The following EXOC4 variants were observed in gnomAD, a reference collection of about 807,000 sequenced individuals.
The protein encoded by EXOC4 is SEC8-like 1.
In EXOC4, 71 loss-of-function variants were observed where a neutral mutation model predicts 107.2. The observed-to-expected ratio is 0.66, with a 90% CI of 0.55 to 0.81. The LOEUF is 0.81. Ranked by LOEUF, EXOC4 falls within the 30% of genes least tolerant of loss-of-function variation. EXOC4 has a pLI of 0.00. For synonymous variants in EXOC4, 456 were observed against 441.2 expected (o/e 1.03, Z -0.42); for missense variants, 1,108 against 1,189.6 (o/e 0.93, Z 1.01).
chr7:133,981,183 T>C (rs920635859), intron 14 of EXOC4, among the ~76,000 whole-genome samples: 2 of 152,186 alleles, frequency 1.3e-5, no homozygotes, highest in African/African-American at 4.8e-5. Flanking sequence ...ATGGTGATGA[T>C]CTATGTACTT....
At chr7:133,937,866 A>G in intron 13 of EXOC4, 25 bp from the exon 14 acceptor site, 10 of 1,613,268 alleles carry the variant, frequency 6.2e-6, no homozygotes, top group Non-Finnish European at 8.5e-6. Flanking sequence ...GTATATATGA[A>G]GTGTGTTTCT....
intron 14 of EXOC4, among the ~76,000 whole-genome samples, chr7:133,969,919 T>C (rs1801162664): frequency 1.3e-5 from 2 of 152,194 alleles, no homozygotes; most frequent in South Asian, 4.1e-4. Flanking sequence ...AACATTTAAG[T>C]CTGCTGAACT....
At chr7:133,409,364 CTACATGCTATAAG>C (rs2150743241) in intron 7 of EXOC4, among the ~76,000 whole-genome samples, 1 of 152,286 alleles carries the variant, frequency 6.6e-6, no homozygotes, top group East Asian at 1.9e-4. Flanking sequence ...AATGTCTGTG[CTACATGCTATAAG>C]CACAGTGATT....
At chr7:133,752,546 C>T (rs1795816317) in intron 10 of EXOC4, among the ~76,000 whole-genome samples, 1 of 152,066 alleles carries the variant, frequency 6.6e-6, no homozygotes. Flanking sequence ...GTGCCAACAC[C>T]AGAATGTCAG....
At chr7:133,813,879 G>T (rs571326602) in intron 10 of EXOC4, among the ~76,000 whole-genome samples, 1 of 152,064 alleles carries the variant, frequency 6.6e-6, no homozygotes, top group African/African-American at 2.4e-5. Context: ...GGGGTTAATA[G>T]AGCGTTTAAC....
chr7:133,885,455 A>G (rs1007290549), intron 11 of EXOC4, among the ~76,000 whole-genome samples: 1 of 152,196 alleles, frequency 6.6e-6, no homozygotes, highest in African/African-American at 2.4e-5. Context: ...TGTGCATTAA[A>G]TTAACAAATA....
intron 7 of EXOC4, among the ~76,000 whole-genome samples, chr7:133,380,562 A>G: frequency 6.6e-6 from 1 of 151,934 alleles, no homozygotes; most frequent in East Asian, 1.9e-4. Flanking sequence ...GTACTGATCT[A>G]CTTTTTGGAA....
rs1584985777 is a variant in EXOC4 at position 133,539,739 on chromosome 7, A to G, written c.1417+59601A>G. Among the ~76,000 whole-genome samples the G allele has an allele frequency of 2.0e-5, 3 of 152,162 alleles. No individual in the cohort carries two copies. The South Asian group carries it at 6.2e-4, about 32-fold the overall frequency. Reference sequence around the variant, plus strand: ...GGAAAGGAAATTATAATATGGTTTTATAAAAATGAAACCTGTTTGAAGATC... The same window carrying G: ...GGAAAGGAAATTATAATATGGTTTTGTAAAAATGAAACCTGTTTGAAGATC... On this transcript the variant is annotated intron_variant, in intron 9 of 17. Coordinates refer to ENST00000253861, the MANE Select transcript of EXOC4 (RefSeq NM_021807.4).
At chr7:134,050,986 A>G (rs936133513) in intron 17 of EXOC4, among the ~76,000 whole-genome samples, 3 of 152,144 alleles carry the variant, frequency 2.0e-5, no homozygotes, top group Non-Finnish European at 4.4e-5. Flanking sequence ...GAAAGAAGAA[A>G]TGAATATGAA....
At chr7:133,518,424 AT>A (rs373592330) in intron 9 of EXOC4, among the ~76,000 whole-genome samples, 29 of 133,630 alleles carry the variant, frequency 2.2e-4, no homozygotes, top group African/African-American at 4.4e-4. Flanking sequence ...GGCCTCTCCT[AT>A]TTTTTTTTTC....
At chr7:133,270,375 G>C (rs1354474471) in intron 1 of EXOC4, among the ~76,000 whole-genome samples, 1 of 152,140 alleles carries the variant, frequency 6.6e-6, no homozygotes, top group Non-Finnish European at 1.5e-5. Context: ...TTAGATTAAT[G>C]CCTGGCACAT....
chr7:134,089,112 T>C, the EXOC4 span, among the ~76,000 whole-genome samples: 3 of 152,310 alleles, frequency 2.0e-5, no homozygotes, highest in African/African-American at 7.2e-5. Flanking sequence ...TGTCCTTTTA[T>C]TCCAATGTTC....
At chr7:133,427,621 A>T (rs1158161725) in intron 7 of EXOC4, among the ~76,000 whole-genome samples, 9 of 152,166 alleles carry the variant, frequency 5.9e-5, no homozygotes, top group Non-Finnish European at 1.3e-4. Flanking sequence ...GTGCAGGGAG[A>T]TGTGGGGTTG....
At chr7:134,077,558 G>A in the EXOC4 span, among the ~76,000 whole-genome samples, 1 of 152,160 alleles carries the variant, frequency 6.6e-6, no homozygotes, top group South Asian at 2.1e-4. Flanking sequence ...TCTTTATTGA[G>A]TGCGCTCAGG....
At chr7:134,095,491 A>G in the EXOC4 span, among the ~76,000 whole-genome samples, 1 of 152,288 alleles carries the variant, frequency 6.6e-6, no homozygotes. Flanking sequence ...ATATGGAACC[A>G]TAAAAGAGCC....
At chr7:133,530,038 A>G (rs867952420) in intron 9 of EXOC4, among the ~76,000 whole-genome samples, 5 of 152,148 alleles carry the variant, frequency 3.3e-5, no homozygotes, top group African/African-American at 9.7e-5. Flanking sequence ...ATGAGGTCCA[A>G]TGCATTTAAA....
At chr7:133,699,288 G>C (rs573140975) in intron 10 of EXOC4, among the ~76,000 whole-genome samples, 1 of 152,136 alleles carries the variant, frequency 6.6e-6, no homozygotes, top group East Asian at 1.9e-4. Flanking sequence ...CTGAGTCAGT[G>C]TTTTTTCCCC....
chr7:133,919,430 A>G (rs991945205), intron 13 of EXOC4, among the ~76,000 whole-genome samples: 1 of 152,200 alleles, frequency 6.6e-6, no homozygotes, highest in African/African-American at 2.4e-5. Context: ...TATTCTAAAT[A>G]TATCGGTTTT....
chr7:133,328,381 A>G (rs1407294668), intron 5 of EXOC4, among the ~76,000 whole-genome samples: 1 of 152,058 alleles, frequency 6.6e-6, no homozygotes. Context: ...CTTTTTATCC[A>G]ATTTGCCAGT....
Sources: allele counts gnomAD v4.1 joint callset (sites outside exome capture counted in the v4.1 genomes callset), GRCh38; gene constraint gnomAD v4.1.1; transcripts MANE v1.5; gene names NCBI Gene and HGNC (gene_info 2026-07-23, HGNC 2026-07-21).